Variants in COL18A1 observed in about 807,000 individuals in gnomAD.
COL18A1 encodes the protein collagen type XVIII alpha 1 chain.
Under a neutral mutation model 168.0 loss-of-function variants are expected in COL18A1, and 133 were observed. The observed-to-expected ratio is 0.79, with a 90% CI of 0.69 to 0.91. The LOEUF (loss-of-function observed/expected upper bound fraction) is 0.91, where lower values mean the gene tolerates loss of function less well. COL18A1 is among the 40% of genes least tolerant of loss of function. The pLI is 0.00. For synonymous variants in COL18A1, 949 were observed against 809.0 expected (o/e 1.17, Z -2.94); for missense variants, 2,126 against 1,925.4 (o/e 1.10, Z -1.95).
At chr21:45,504,665 T>C in intron 34 of COL18A1, 109 bp downstream of exon 34, 1 of 962,784 alleles carries the variant, frequency 1.0e-6, no homozygotes, top group South Asian at 1.5e-5. Context: ...GAGCTGCCCC[T>C]GCAAGCTCAG....
intron 19 of COL18A1, 41 bp downstream of exon 19, chr21:45,489,562 G>A: frequency 6.8e-7 from 1 of 1,461,386 alleles, no homozygotes; most frequent in Non-Finnish European, 9.4e-7. Flanking sequence ...GCCAGGCAGA[G>A]GCAGGGAGGG....
At chr21:45,421,540 C>A (rs763054928) in intron 2 of COL18A1, 2 of 534,628 alleles carry the variant, frequency 3.7e-6, no homozygotes, top group South Asian at 2.8e-5. Context: ...GCTTGTCATG[C>A]TGTTAATTAG....
intron 14 of COL18A1, chr21:45,482,238 C>T (rs2035924654): frequency 4.8e-6 from 3 of 623,374 alleles, no homozygotes; most frequent in African/African-American, 1.8e-5. Context: ...GATGAGTGGA[C>T]TCACGGGTTT....
intron 2 of COL18A1, among the ~76,000 whole-genome samples, chr21:45,406,555 A>G (rs962320287): frequency 7.9e-5 from 12 of 152,292 alleles, no homozygotes; most frequent in Admixed American, 2.0e-4. Context: ...GGGGTGAAAC[A>G]CGGGCGGAGA....
intron 4 of COL18A1, 113 bp from the exon 5 acceptor site, chr21:45,475,363 C>T: frequency 7.2e-6 from 7 of 975,284 alleles, no homozygotes; most frequent in South Asian, 1.4e-5. Flanking sequence ...CTGGACGAGG[C>T]GAGAGGGGGC....
Position 45,463,571 on chromosome 21 carries a change from GA to G in COL18A1, c.107-4669del, listed in dbSNP as rs2035108918. Among the ~76,000 whole-genome samples, 1 of 152,202 alleles carries G rather than the reference GA, an allele frequency of 6.6e-6. No homozygotes were observed. Among genetic ancestry groups the G allele is most frequent in the African/African-American group, 2.4e-5 (1 of 41,462 alleles). On this transcript the variant is annotated intron_variant, in intron 2 of 41. Transcript: ENST00000651438. The surrounding 1 kb of genome is among the most constrained non-coding windows in gnomAD (Gnocchi z 4.0). ...ATCTGCCATTTACCAGAGTACTCCA[GA>G]ATCATTTTCAAACACGTTTCTTTCT...
rs1341930219 is a variant in COL18A1 at position 45,471,147 on chromosome 21, G to A, written c.651+2361G>A. On this transcript the variant is annotated intron_variant, in intron 3 of 41. Transcript: ENST00000651438. The surrounding 1 kb of genome is among the most constrained non-coding windows in gnomAD (Gnocchi z 4.4). ...CTACGGGCCTTGTGCTGCTGGGCGT[G>A]GGTGGCGTGCAGCAGGCCGTGTGCT... 6.6e-6 allele frequency among the ~76,000 whole-genome samples: 1 copy of A among 151,410 alleles called. No homozygotes were observed. Among genetic ancestry groups the A allele is most frequent in the Non-Finnish European group, 1.5e-5 (1 of 67,774 alleles).
chr21:45,504,158 T>C, intron 33 of COL18A1, 104 bp downstream of exon 33: 1 of 1,354,064 alleles, frequency 7.4e-7, no homozygotes, highest in Non-Finnish European at 1.1e-6. Flanking sequence ...CCCCTTCCTG[T>C]TCAGCCCTGC....
chr21:45,437,687 T>TGC lies in COL18A1; in HGVS notation c.107-30554_107-30553dup, dbSNP rs1555972686. 1.0e-4 allele frequency among the ~76,000 whole-genome samples: 3 copies of TGC among 30,002 alleles called. No individual in the cohort carries two copies. In the South Asian group the frequency reaches 3.8e-3, roughly 38 times the overall value. The allele number at this position is 30,002 out of a possible 152,430, so 19.7% of individuals were successfully genotyped here. A position where few individuals can be genotyped will look rare whatever the true frequency, so the allele number is the denominator to read the frequency against. On this transcript the variant is annotated intron_variant, in intron 2 of 41. Coordinates refer to ENST00000651438, the MANE Select transcript of COL18A1 (RefSeq NM_001379500.1). ...ACACTCAGACACACAGGCACTCTCC[T>TGC]GCACACACACACACACACTCAGACA... is the stretch of plus-strand genomic sequence containing the variant.
In COL18A1 at chr21:45,482,036, C is replaced by G; in HGVS notation, c.1674+11C>G. The G allele has an allele frequency of 1.2e-6, 2 of 1,611,156 alleles. No homozygotes were observed. Among genetic ancestry groups the G allele is most frequent in the South Asian group, 2.2e-5 (2 of 90,854 alleles). On this transcript the variant is annotated intron_variant, in intron 14 of 41. Transcript: ENST00000651438. Reference sequence around the variant, plus strand: ...CAGAAAGGCAGCCTGGTAAGTCTTCCCTCGAGTCCAGGGTGAGTGGGAACC... The same window carrying G: ...CAGAAAGGCAGCCTGGTAAGTCTTCGCTCGAGTCCAGGGTGAGTGGGAACC...
At chr21:45,481,924 G>A (rs773015675) in intron 13 of COL18A1, 39 bp from the exon 14 acceptor site, 21 of 1,458,388 alleles carry the variant, frequency 1.4e-5, no homozygotes, top group South Asian at 5.7e-5. Context: ...TTTAGTGGCC[G>A]AATGCCATCA....
chr21:45,467,504 G>A, intron 2 of COL18A1: 4 of 927,100 alleles, frequency 4.3e-6, no homozygotes, highest in Non-Finnish European at 5.1e-6. Context: ...GATACAGCTT[G>A]TCCTTGCCAC....
chr21:45,492,984 G>GGT (rs1568924840), intron 24 of COL18A1, among the ~76,000 whole-genome samples, 179 bp from the exon 25 acceptor site: 2 of 151,994 alleles, frequency 1.3e-5, no homozygotes, highest in African/African-American at 4.8e-5. Context: ...GAGGTGTCCT[G>GGT]GTGGGGGTCA....
intron 2 of COL18A1, among the ~76,000 whole-genome samples, chr21:45,453,569 C>T (rs1243407001): frequency 3.3e-5 from 5 of 152,144 alleles, no homozygotes; most frequent in African/African-American, 9.7e-5. Flanking sequence ...GGAGGTTAAA[C>T]GTGCGATGCT....
intron 9 of COL18A1, among the ~76,000 whole-genome samples, chr21:45,479,076 C>CGTGT (rs2035785918): frequency 7.7e-6 from 1 of 130,200 alleles, no homozygotes; most frequent in South Asian, 2.5e-4. Context: ...GGTACACGCA[C>CGTGT]GCGTGTGAGT....
chr21:45,505,240 C>T lies in COL18A1; in HGVS notation c.2975C>T (p.Pro992Leu), dbSNP rs1197213034. The change falls in exon 35 of 42, where the codon CCC (proline) becomes CTC (leucine). Residue 992 changes from proline to leucine, a missense_variant. Coordinates refer to ENST00000651438, the MANE Select transcript of COL18A1 (RefSeq NM_001379500.1). ...GRQGPPGPPG[P>L]PGPPSFPGPH... ...CAGGGCCCTCCCGGCCCCCCAGGCC[C>T]CCCAGGGCCCCCTTCATTTCCTGGC... 6.2e-7 allele frequency: 1 copy of T among 1,603,650 alleles called. No homozygotes were observed. The highest frequency in any genetic ancestry group is 2.3e-5 in the East Asian group (1 of 44,404).
Position 45,509,445 on chromosome 21 carries a change from G to A in COL18A1, c.3339G>A (p.Ala1113=), listed in dbSNP as rs538692805. 5.9e-6 allele frequency: 9 copies of A among 1,532,834 alleles called. No individual in the cohort carries two copies. The East Asian group carries it at 2.0e-4, about 33-fold the overall frequency. 95.0% of individuals were successfully genotyped at this position (1,532,834 alleles called of 1,614,324 possible). The change falls in exon 39 of 42, where the codon GCG becomes GCA. Residue 1113 remains alanine (A), a synonymous_variant. Coordinates refer to ENST00000651438, the MANE Select transcript of COL18A1 (RefSeq NM_001379500.1). The part of the protein sequence containing the change: ...YPRREHPHPT[A]RPWRADDILA... ...GGCGGGAGCACCCCCACCCCACCGCGCGGCCCTGGCGGGCAGATGACATCC... is the reference window on the plus strand; with the variant it reads ...GGCGGGAGCACCCCCACCCCACCGCACGGCCCTGGCGGGCAGATGACATCC...
intron 13 of COL18A1, 82 bp from the exon 14 acceptor site, chr21:45,481,881 G>A: frequency 1.0e-6 from 1 of 989,094 alleles, no homozygotes. Context: ...GAAACCTGCG[G>A]AAGCCCAGAT....
intron 2 of COL18A1, among the ~76,000 whole-genome samples, chr21:45,445,295 C>T (rs1407463484): frequency 6.6e-6 from 1 of 152,220 alleles, no homozygotes; most frequent in Admixed American, 6.5e-5. Context: ...GGGCTTCATT[C>T]CTTGCTGTCA....
Sources: allele counts gnomAD v4.1 joint callset (sites outside exome capture counted in the v4.1 genomes callset), GRCh38; gene constraint gnomAD v4.1.1; non-coding constraint Gnocchi (gnomAD v3.1); transcripts MANE v1.5; gene names NCBI Gene and HGNC (gene_info 2026-07-23, HGNC 2026-07-21).